Variants in SNAP91 observed in about 807,000 individuals in gnomAD.
SNAP91 encodes the protein clathrin coat assembly protein AP180.
SNAP91 carries 27 observed loss-of-function variants against 100.3 expected under a neutral mutation model. That is an observed-to-expected ratio of 0.27 (90% confidence interval 0.20 to 0.37). The LOEUF is 0.37. Among genes scored for constraint, SNAP91 ranks in the 10% least tolerant of loss-of-function variants. The pLI is 1.00. For missense variants in SNAP91, 986 were observed against 1,123.7 expected (o/e 0.88, Z 1.75); for synonymous variants, 404 against 398.6 (o/e 1.01, Z -0.16).
At chr6:83,595,056 T>C (rs1469314146) in intron 16 of SNAP91, among the ~76,000 whole-genome samples, 1 of 152,174 alleles carries the variant, frequency 6.6e-6, no homozygotes, top group African/African-American at 2.4e-5. Flanking sequence ...AAGTCTTCAC[T>C]ATCCCTGAAA....
chr6:83,658,631 T>G (rs1216518924), intron 6 of SNAP91, among the ~76,000 whole-genome samples: 1 of 151,786 alleles, frequency 6.6e-6, no homozygotes, highest in Non-Finnish European at 1.5e-5. Flanking sequence ...TAAAACAAAA[T>G]AAAATAAAAT....
intron 26 of SNAP91, among the ~76,000 whole-genome samples, chr6:83,569,562 T>C (rs1192713617): frequency 6.6e-6 from 1 of 152,212 alleles, no homozygotes; most frequent in Non-Finnish European, 1.5e-5. Context: ...AAAGTGCTTT[T>C]CCCTTGTTCC....
intron 2 of SNAP91, among the ~76,000 whole-genome samples, chr6:83,704,498 A>C (rs1486734942): frequency 6.6e-6 from 1 of 152,198 alleles, no homozygotes; most frequent in African/African-American, 2.4e-5. Flanking sequence ...TTCTGCCCTC[A>C]GATGTTAACA....
Position 83,665,569 on chromosome 6 carries a change from G to A in SNAP91, c.143C>T (p.Ala48Val). The change falls in exon 3 of 30, where the codon GCT (alanine) becomes GTT (valine). Residue 48 changes from alanine to valine, a missense_variant. Transcript: ENST00000369694. Reference sequence around the variant, plus strand: ...AATATTAACATTGGTCTCGTTGGTAGCCTGGATCAAATCTATGAAAATAGA... The same window carrying A: ...AATATTAACATTGGTCTCGTTGGTAACCTGGATCAAATCTATGAAAATAGA... ...KKKHLDYLIQ[A>V]TNETNVNIPQ... 1 of 1,609,954 alleles carries A rather than the reference G, an allele frequency of 6.2e-7. No individual in the cohort carries two copies. Among genetic ancestry groups the A allele is most frequent in the Non-Finnish European group, 8.5e-7 (1 of 1,178,552 alleles).
intron 2 of SNAP91, among the ~76,000 whole-genome samples, chr6:83,694,131 G>T (rs1357167774): frequency 3.9e-5 from 6 of 152,208 alleles, no homozygotes; most frequent in Non-Finnish European, 8.8e-5. Flanking sequence ...CCATGGGCAT[G>T]ATAGAATGAA....
chr6:83,575,755 A>G (rs1817655648), intron 25 of SNAP91: 2 of 391,412 alleles, frequency 5.1e-6, no homozygotes, highest in African/African-American at 4.2e-5. Flanking sequence ...AAAATATTCA[A>G]GCCACAATTC....
At chr6:83,556,885 A>G (rs1311237071) in intron 28 of SNAP91, among the ~76,000 whole-genome samples, 1 of 152,198 alleles carries the variant, frequency 6.6e-6, no homozygotes, top group Admixed American at 6.6e-5. Flanking sequence ...AGTGAAAATC[A>G]GTCAAGTTTG....
intron 9 of SNAP91, among the ~76,000 whole-genome samples, chr6:83,619,012 CA>C (rs1237509252): frequency 1.4e-5 from 2 of 148,090 alleles, no homozygotes; most frequent in Admixed American, 6.7e-5. Context: ...CAAAACAAAA[CA>C]AAAAAACAAA....
At chr6:83,588,655 T>C (rs963968077) in intron 22 of SNAP91, among the ~76,000 whole-genome samples, 2 of 152,330 alleles carry the variant, frequency 1.3e-5, no homozygotes, top group East Asian at 1.9e-4. Flanking sequence ...TAGATTCTTA[T>C]TGCATCCCCC....
chr6:83,636,557 T>C (rs1194063508), intron 8 of SNAP91, among the ~76,000 whole-genome samples: 1 of 152,190 alleles, frequency 6.6e-6, no homozygotes, highest in East Asian at 1.9e-4. Flanking sequence ...TCATCTTTCA[T>C]ATCTTGGATC....
intron 16 of SNAP91, among the ~76,000 whole-genome samples, chr6:83,600,055 A>G (rs1000040085): frequency 2.0e-5 from 3 of 152,162 alleles, no homozygotes; most frequent in African/African-American, 7.2e-5. Context: ...AAGTACTAGT[A>G]TTACAGATGT....
intron 11 of SNAP91, among the ~76,000 whole-genome samples, 177 bp from the exon 12 acceptor site, chr6:83,610,854 T>A (rs2096008184): frequency 6.6e-6 from 1 of 150,562 alleles, no homozygotes; most frequent in African/African-American, 2.4e-5. Flanking sequence ...AGGCTATTTT[T>A]AAAAAACTTT....
chr6:83,661,645 T>C, intron 4 of SNAP91, 41 bp from the exon 5 acceptor site: 2 of 1,152,074 alleles, frequency 1.7e-6, no homozygotes, highest in Non-Finnish European at 2.5e-6. Context: ...ATTAATAAAA[T>C]ACCTTCAACT....
At chr6:83,653,612 G>C (rs2098292024) in intron 7 of SNAP91, among the ~76,000 whole-genome samples, 1 of 152,060 alleles carries the variant, frequency 6.6e-6, no homozygotes, top group South Asian at 2.1e-4. Context: ...GCCATGTCGG[G>C]TTCTGATGCT....
At chr6:83,599,348 T>C (rs956260907) in intron 16 of SNAP91, among the ~76,000 whole-genome samples, 2 of 152,228 alleles carry the variant, frequency 1.3e-5, no homozygotes, top group Admixed American at 6.5e-5. Context: ...AGCTAAGGCG[T>C]AGAAATGTTT....
At chr6:83,708,309 A>C in intron 1 of SNAP91, 1 of 192,172 alleles carries the variant, frequency 5.2e-6, no homozygotes, top group Non-Finnish European at 1.0e-5. Context: ...ACTAGCCACA[A>C]CGTGCGTTGG....
At chr6:83,602,053 T>G (rs148774205) in intron 14 of SNAP91, among the ~76,000 whole-genome samples, 324 of 152,286 alleles carry the variant, frequency 2.1e-3, no homozygotes, top group Non-Finnish European at 3.4e-3. Context: ...TGTTTTCCCA[T>G]GTCTAAAATA....
At chr6:83,563,961 C>T (rs1036145156) in intron 26 of SNAP91, among the ~76,000 whole-genome samples, 10 of 152,074 alleles carry the variant, frequency 6.6e-5, no homozygotes, top group African/African-American at 1.9e-4. Flanking sequence ...AAATCCCTAT[C>T]AAAATTTCAA....
At position 83,701,081 on chromosome 6, in the gene SNAP91, T is replaced by A. The variant is rs139057437; in HGVS notation, c.130+6717A>T. On this transcript the variant is annotated intron_variant, in intron 2 of 29. Coordinates refer to ENST00000369694, the MANE Select transcript of SNAP91 (RefSeq NM_001242792.2). ...AAGAGGGGTACAGTTGTGTCTGTTT[T>A]CTTTGAAATGGTGAGTAAAACACTG... Among the ~76,000 whole-genome samples the A allele has an allele frequency of 9.1e-4, 138 of 152,318 alleles. 1 individual carries two copies. Among genetic ancestry groups the A allele is most frequent in the African/African-American group, 3.0e-3 (123 of 41,576 alleles).
Sources: gnomAD v4.1 joint callset for allele counts (sites outside exome capture counted in the v4.1 genomes callset) on GRCh38, gnomAD v4.1.1 for gene constraint, MANE v1.5 for transcripts, NCBI Gene and HGNC (gene_info 2026-07-23, HGNC 2026-07-21) for gene names.